GPC5: variants seen among roughly 807,000 people sequenced by gnomAD.
The protein encoded by GPC5 is glypican 5.
GPC5 carries 47 observed loss-of-function variants against 53.9 expected under a neutral mutation model. That is an observed-to-expected ratio of 0.87 (90% CI 0.69 to 1.11). The LOEUF is 1.11. GPC5 is among the 50% of genes most tolerant of loss of function. The pLI, the probability that GPC5 is intolerant of heterozygous loss-of-function variation, is 0.00. For missense variants in GPC5, 748 were observed against 713.1 expected, an observed-to-expected ratio of 1.05 and a Z score of -0.56; for synonymous variants, 286 against 263.3, an observed-to-expected ratio of 1.09 and a Z score of -0.84.
At chr13:92,245,598 T>G (rs1427696295) in intron 7 of GPC5, among the ~76,000 whole-genome samples, 1 of 152,176 alleles carries the variant, frequency 6.6e-6, no homozygotes, top group African/African-American at 2.4e-5. Context: ...ACCTACTTAT[T>G]TAAAAGGAAT....
intron 4 of GPC5, among the ~76,000 whole-genome samples, chr13:91,737,276 G>A (rs1341203107): frequency 6.6e-6 from 1 of 151,336 alleles, no homozygotes; most frequent in East Asian, 1.9e-4. Flanking sequence ...GGTTTAGGCT[G>A]GTCTGTTGAG....
intron 3 of GPC5, among the ~76,000 whole-genome samples, chr13:91,694,870 A>G (rs972819434): frequency 1.3e-5 from 2 of 152,116 alleles, no homozygotes; most frequent in African/African-American, 4.8e-5. Context: ...CAGCTTCCCA[A>G]AGTGCTGGAA....
chr13:92,215,878 A>G (rs934022121), intron 7 of GPC5, among the ~76,000 whole-genome samples: 9 of 152,198 alleles, frequency 5.9e-5, no homozygotes, highest in African/African-American at 2.2e-4. Flanking sequence ...CCAGGACAGC[A>G]GTGGGCTCCG....
intron 7 of GPC5, among the ~76,000 whole-genome samples, chr13:92,726,538 C>T (rs964697265): frequency 2.0e-5 from 3 of 151,454 alleles, no homozygotes; most frequent in African/African-American, 7.3e-5. Context: ...ACTACAGGCC[C>T]ATGCCACCAT....
At chr13:91,807,362 A>G (rs531142890) in intron 5 of GPC5, among the ~76,000 whole-genome samples, 6 of 152,290 alleles carry the variant, frequency 3.9e-5, no homozygotes, top group Admixed American at 3.9e-4. Context: ...AGTAACTTGG[A>G]ATTTAAAGAA....
At position 91,884,299 on chromosome 13, in the gene GPC5, C is replaced by A. The variant is rs1490875496; in HGVS notation, c.1281-23638C>A. On this transcript the variant is annotated intron_variant, in intron 5 of 7. Transcript: ENST00000377067. ...GTTCTGTCATAAAGAAACATGCATG[C>A]CTATGTTTATTGCAGCACTATTCAC... 2.6e-5 allele frequency among the ~76,000 whole-genome samples: 4 copies of A among 152,072 alleles called. No individual in the cohort carries two copies. In the East Asian group the frequency reaches 5.8e-4, roughly 22 times the overall value.
chr13:91,574,623 G>T (rs1204448649), intron 2 of GPC5, among the ~76,000 whole-genome samples: 7 of 152,082 alleles, frequency 4.6e-5, no homozygotes. Flanking sequence ...AGAGTTGCTG[G>T]CAAGATGAAG....
chr13:92,172,040 G>T (rs115660211), intron 7 of GPC5, among the ~76,000 whole-genome samples: 1,909 of 152,314 alleles, frequency 0.013, 33 homozygotes, highest in African/African-American at 0.044. Context: ...ACCTACAATA[G>T]ATTGTTAGTT....
chr13:92,521,220 C>G (rs1231003727), intron 7 of GPC5, among the ~76,000 whole-genome samples: 2 of 152,196 alleles, frequency 1.3e-5, no homozygotes, highest in Admixed American at 1.3e-4. Flanking sequence ...TTTACAGAGT[C>G]GATGCCATCC....
chr13:91,765,063 T>A (rs1398052371), intron 5 of GPC5, among the ~76,000 whole-genome samples: 1 of 152,206 alleles, frequency 6.6e-6, no homozygotes, highest in African/African-American at 2.4e-5. Context: ...TTCCCTCTCT[T>A]TTCTACTTTT....
At chr13:92,488,556 A>G (rs1051086382) in intron 7 of GPC5, among the ~76,000 whole-genome samples, 4 of 152,194 alleles carry the variant, frequency 2.6e-5, no homozygotes, top group African/African-American at 9.7e-5. Context: ...AGGAAGACAT[A>G]TTTAAGTAGG....
At chr13:92,745,811 T>C (rs1223689380) in intron 7 of GPC5, among the ~76,000 whole-genome samples, 3 of 152,174 alleles carry the variant, frequency 2.0e-5, no homozygotes, top group Non-Finnish European at 4.4e-5. Context: ...ATTAGTTTCA[T>C]CTCTACATGG....
intron 2 of GPC5, among the ~76,000 whole-genome samples, chr13:91,551,623 G>A (rs1437017420): frequency 6.6e-6 from 1 of 152,050 alleles, no homozygotes; most frequent in Non-Finnish European, 1.5e-5. Context: ...TTGTACAATG[G>A]GGATAGCAAA....
rs1324949534 is a variant in GPC5 at position 91,728,574 on chromosome 13, A to G, written c.1063A>G (p.Ser355Gly). ...CGRPVRTPTQ[S>G]PRCSFDQSKE... ...CCGCCCTGTAAGAACACCCACACAA[A>G]GCCCCCGTTGTTCTTTTGATCAGAG... The change falls in exon 4 of 8, where the codon AGC becomes GGC. Residue 355 changes from serine to glycine, a missense_variant. Ser to Gly is a moderately conservative substitution (Grantham distance 56, BLOSUM62 0). Coordinates refer to ENST00000377067, the MANE Select transcript of GPC5 (RefSeq NM_004466.6). The G allele has an allele frequency of 6.2e-7, 1 of 1,612,676 alleles. No homozygotes were observed. The highest frequency in any genetic ancestry group is 1.3e-5 in the African/African-American group (1 of 74,858).
intron 7 of GPC5, among the ~76,000 whole-genome samples, chr13:92,700,481 T>C (rs992411057): frequency 6.6e-6 from 1 of 152,084 alleles, no homozygotes; most frequent in Non-Finnish European, 1.5e-5. Context: ...AATCCTGCCA[T>C]TATGAAGCCT....
intron 5 of GPC5, among the ~76,000 whole-genome samples, chr13:91,882,016 G>T (rs1206641096): frequency 1.3e-5 from 2 of 152,112 alleles, no homozygotes; most frequent in Non-Finnish European, 2.9e-5. Flanking sequence ...TTTGAAGATG[G>T]TTTGCGTCTT....
At position 91,420,548 on chromosome 13, in the gene GPC5, G is replaced by A. The variant is rs1373332582; in HGVS notation, c.163+21339G>A. Among the ~76,000 whole-genome samples, 5 of 151,954 alleles carry A rather than the reference G, an allele frequency of 3.3e-5. No homozygotes were observed. In the East Asian group the frequency reaches 5.8e-4, roughly 18 times the overall value. On this transcript the variant is annotated intron_variant, in intron 1 of 7. Transcript: ENST00000377067. ...TTTTTCCTTTCTGCGATTATTTTTCGATTTACCTTCAGATATTTTGTGAAA... is the reference window on the plus strand; with the variant it reads ...TTTTTCCTTTCTGCGATTATTTTTCAATTTACCTTCAGATATTTTGTGAAA...
chr13:91,805,852 T>C (rs2038210796), intron 5 of GPC5, among the ~76,000 whole-genome samples: 1 of 152,072 alleles, frequency 6.6e-6, no homozygotes, highest in Non-Finnish European at 1.5e-5. Context: ...ATCTCTCTTA[T>C]ATAAAGTACC....
intron 7 of GPC5, among the ~76,000 whole-genome samples, chr13:92,459,533 A>T (rs947423392): frequency 6.6e-6 from 1 of 152,182 alleles, no homozygotes; most frequent in Non-Finnish European, 1.5e-5. Context: ...AAATATGACA[A>T]ATTTTCCCCT....
Sources: allele counts gnomAD v4.1 joint callset (sites outside exome capture counted in the v4.1 genomes callset), GRCh38; gene constraint gnomAD v4.1.1; transcripts MANE v1.5; gene names NCBI Gene and HGNC (gene_info 2026-07-23, HGNC 2026-07-21).